Variants in EXOC6B observed in about 807,000 individuals in gnomAD.
EXOC6B encodes exocyst complex component 6B, also known as SEC15 homolog B.
A neutral mutation model predicts 113.5 loss-of-function variants in EXOC6B; 54 were observed. The ratio of observed to expected loss-of-function variants is 0.48; its 90% CI spans 0.38 to 0.60. The LOEUF is 0.60. EXOC6B is among the 20% of genes least tolerant of loss of function. The pLI, the probability that EXOC6B is intolerant of heterozygous loss-of-function variation, is 0.00. For missense variants in EXOC6B, 797 were observed against 977.5 expected, an observed-to-expected ratio of 0.82 and a Z score of 2.46; for synonymous variants, 357 against 339.0, an observed-to-expected ratio of 1.05 and a Z score of -0.58.
chr2:72,328,558 T>G (rs1348013763), intron 20 of EXOC6B, among the ~76,000 whole-genome samples: 2 of 152,130 alleles, frequency 1.3e-5, no homozygotes, highest in Non-Finnish European at 2.9e-5. Flanking sequence ...ATCTACTACC[T>G]GGGCTAGGCA....
intron 20 of EXOC6B, among the ~76,000 whole-genome samples, chr2:72,327,202 T>C (rs11680197): frequency 0.19 from 29,221 of 151,940 alleles, 5,068 homozygotes; most frequent in African/African-American, 0.47. Context: ...TTCTACCACA[T>C]ACAATTGTGC....
At chr2:72,397,324 A>C (rs1267142264) in intron 18 of EXOC6B, among the ~76,000 whole-genome samples, 2 of 152,100 alleles carry the variant, frequency 1.3e-5, no homozygotes, top group East Asian at 3.9e-4. Flanking sequence ...CTTCTTATGT[A>C]AGAAAATATA....
chr2:72,565,248 G>A (rs1317513500), intron 7 of EXOC6B, among the ~76,000 whole-genome samples: 1 of 151,236 alleles, frequency 6.6e-6, no homozygotes, highest in Non-Finnish European at 1.5e-5. Flanking sequence ...CTACTCAGGA[G>A]GCTGAAGTGG....
chr2:72,775,821 G>A (rs564091597), intron 1 of EXOC6B, among the ~76,000 whole-genome samples: 6 of 152,218 alleles, frequency 3.9e-5, no homozygotes, highest in African/African-American at 1.4e-4. Flanking sequence ...GAAACAATTC[G>A]ATATATTGAC....
rs1364548247 is a variant in EXOC6B, at chr2:72,717,526, G to A, written c.669+577C>T. Among the ~76,000 whole-genome samples, 4 of 152,112 alleles carry A rather than the reference G, an allele frequency of 2.6e-5. No homozygotes were observed. The East Asian group carries it at 7.7e-4, about 29-fold the overall frequency. ...TTCATAATTTAAAAAAAGAAATTTAGATGTTCCTTGTGACTTTGGTGACTT... is the reference window on the plus strand; with the variant it reads ...TTCATAATTTAAAAAAAGAAATTTAAATGTTCCTTGTGACTTTGGTGACTT... On this transcript the variant is annotated intron_variant, in intron 6 of 21. Coordinates refer to ENST00000272427, the MANE Select transcript of EXOC6B (RefSeq NM_015189.3).
chr2:72,780,574 T>C (rs1253166732), intron 1 of EXOC6B, among the ~76,000 whole-genome samples: 1 of 152,210 alleles, frequency 6.6e-6, no homozygotes, highest in Non-Finnish European at 1.5e-5. Flanking sequence ...TCATGTAACT[T>C]GGCAAGCTGT....
Position 72,578,582 on chromosome 2 carries a change from T to C in EXOC6B, c.670-2914A>G, listed in dbSNP as rs538675004. On this transcript the variant is annotated intron_variant, in intron 6 of 21. Coordinates refer to ENST00000272427, the MANE Select transcript of EXOC6B (RefSeq NM_015189.3). ...GCTCTAACTCATGATGCTTCCTCTC[T>C]GTACTCCTACCTTCAGTCAAACACG... Among the ~76,000 whole-genome samples the C allele has an allele frequency of 2.0e-5, 3 of 152,260 alleles. No individual in the cohort carries two copies. In the South Asian group the frequency reaches 6.2e-4, roughly 32 times the overall value.
chr2:72,353,666 G>T (rs931799324), intron 19 of EXOC6B, among the ~76,000 whole-genome samples: 2 of 151,866 alleles, frequency 1.3e-5, no homozygotes, highest in South Asian at 2.1e-4. Context: ...GAGCTACCAT[G>T]CCCAGGTGTA....
chr2:72,802,425 T>TA (rs1204431854), intron 1 of EXOC6B, among the ~76,000 whole-genome samples: 1 of 152,064 alleles, frequency 6.6e-6, no homozygotes, highest in Non-Finnish European at 1.5e-5. Flanking sequence ...CTATACTTAA[T>TA]ATATATCTGT....
chr2:72,678,876 G>A (rs554668688), intron 6 of EXOC6B, among the ~76,000 whole-genome samples: 1 of 152,254 alleles, frequency 6.6e-6, no homozygotes, highest in Admixed American at 6.5e-5. Flanking sequence ...AGGACCTATT[G>A]TTTTGTAATC....
chr2:72,765,406 C>T (rs1207902040), intron 1 of EXOC6B, among the ~76,000 whole-genome samples: 1 of 152,328 alleles, frequency 6.6e-6, no homozygotes. Flanking sequence ...GGCGTGGTGG[C>T]TCAGGCCTAT....
At chr2:72,661,870 C>A (rs915023520) in intron 6 of EXOC6B, among the ~76,000 whole-genome samples, 2 of 151,924 alleles carry the variant, frequency 1.3e-5, no homozygotes, top group Non-Finnish European at 2.9e-5. Flanking sequence ...TGATACTAAT[C>A]GACATCAGTA....
intron 20 of EXOC6B, among the ~76,000 whole-genome samples, chr2:72,333,451 C>T (rs1688516797): frequency 6.6e-6 from 1 of 152,010 alleles, no homozygotes; most frequent in Non-Finnish European, 1.5e-5. Context: ...TTCTACTTTC[C>T]AAGAAAAGCC....
At chr2:72,633,068 T>C (rs1376972500) in intron 6 of EXOC6B, among the ~76,000 whole-genome samples, 1 of 152,224 alleles carries the variant, frequency 6.6e-6, no homozygotes, top group Non-Finnish European at 1.5e-5. Context: ...AACATTTTTG[T>C]TTTTTCTACT....
intron 6 of EXOC6B, among the ~76,000 whole-genome samples, chr2:72,623,659 G>A (rs569553428): frequency 3.9e-5 from 6 of 152,108 alleles, no homozygotes; most frequent in South Asian, 4.2e-4. Context: ...ATGTTTCAGT[G>A]CCCTGTCAAT....
At chr2:72,261,584 C>T (rs1412518080) in intron 20 of EXOC6B, among the ~76,000 whole-genome samples, 1 of 152,154 alleles carries the variant, frequency 6.6e-6, no homozygotes, top group African/African-American at 2.4e-5. Flanking sequence ...GAAATATAGC[C>T]TGTTCCAATT....
At chr2:72,773,293 A>AT (rs912337300) in intron 1 of EXOC6B, among the ~76,000 whole-genome samples, 3 of 151,164 alleles carry the variant, frequency 2.0e-5, no homozygotes, top group Non-Finnish European at 4.4e-5. Flanking sequence ...TGCCCAGCTA[A>AT]TTTTTTTCAC....
Position 72,668,121 on chromosome 2 carries a change from C to T in EXOC6B, c.669+49982G>A, listed in dbSNP as rs75369022. Among the ~76,000 whole-genome samples, 838 of 152,266 alleles carry T rather than the reference C, an allele frequency of 5.5e-3. 7 individuals are homozygous for T. The highest frequency in any genetic ancestry group is 0.019 in the African/African-American group (810 of 41,540). On this transcript the variant is annotated intron_variant, in intron 6 of 21. Coordinates refer to ENST00000272427, the MANE Select transcript of EXOC6B (RefSeq NM_015189.3). ...AACAAACATATGAAACAATGGTCAC[C>T]ACCACTAATCATTACAGAAATGCAA...
chr2:72,584,161 AACTTTGAATATGAAGTCTAAATTCCCT>A (rs1366781379), intron 6 of EXOC6B, among the ~76,000 whole-genome samples: 1 of 152,208 alleles, frequency 6.6e-6, no homozygotes, highest in Non-Finnish European at 1.5e-5. Context: ...TTTCAATATT[AACTTTGAATATGAAGTCTAAATTCCCT>A]ACTTAAAAGG....
Sources: allele counts gnomAD v4.1 joint callset (sites outside exome capture counted in the v4.1 genomes callset), GRCh38; gene constraint gnomAD v4.1.1; transcripts MANE v1.5; gene names NCBI Gene and HGNC (gene_info 2026-07-23, HGNC 2026-07-21).